The following DPP10 variants were observed in gnomAD, a reference collection of about 807,000 sequenced individuals.
The protein encoded by DPP10 is inactive dipeptidyl peptidase 10.
DPP10 carries 33 observed loss-of-function variants against 120.9 expected under a neutral mutation model. That is an observed-to-expected ratio of 0.27 (90% CI 0.21 to 0.37). The LOEUF is 0.37. Ranked by LOEUF, DPP10 falls within the 10% of genes least tolerant of loss-of-function variation. The pLI, the probability that DPP10 is intolerant of heterozygous loss-of-function variation, is 1.00. For missense variants in DPP10, 816 were observed against 942.8 expected, an observed-to-expected ratio of 0.87 and a Z score of 1.76; for synonymous variants, 337 against 326.1, an observed-to-expected ratio of 1.03 and a Z score of -0.36.
At chr2:115,230,386 T>C (rs2057678052) in intron 1 of DPP10, among the ~76,000 whole-genome samples, 1 of 152,042 alleles carries the variant, frequency 6.6e-6, no homozygotes, top group Non-Finnish European at 1.5e-5. Flanking sequence ...CTTTTTTCTT[T>C]CCAAGTTGAA....
chr2:115,635,161 GGCT>G (rs2086219801), intron 5 of DPP10, among the ~76,000 whole-genome samples: 1 of 150,308 alleles, frequency 6.7e-6, no homozygotes, highest in African/African-American at 2.5e-5. Context: ...CCACAGTGAT[GGCT>G]GCCGCCCTTC....
In DPP10 at chr2:115,187,388, G is replaced by A. The variant is rs574478842; in HGVS notation, c.61-121851G>A. The stretch of plus-strand genomic sequence containing the variant: ...GAGAAACAAATCCAGCTATGGAGAA[G>A]AACTTACTTTTTAGTATAGAAACTT... On this transcript the variant is annotated intron_variant, in intron 1 of 25. Coordinates refer to ENST00000410059, the MANE Select transcript of DPP10 (RefSeq NM_020868.6). 2.6e-5 allele frequency among the ~76,000 whole-genome samples: 4 copies of A among 152,268 alleles called. No homozygotes were observed. The East Asian group carries it at 7.7e-4, about 29-fold the overall frequency.
At chr2:115,479,910 G>A (rs921163996) in intron 3 of DPP10, among the ~76,000 whole-genome samples, 1 of 152,136 alleles carries the variant, frequency 6.6e-6, no homozygotes, top group Admixed American at 6.5e-5. Flanking sequence ...CATGCACCTT[G>A]CAGGGGAGAC....
intron 1 of DPP10, among the ~76,000 whole-genome samples, chr2:115,218,888 T>C (rs1275186803): frequency 6.6e-6 from 1 of 152,100 alleles, no homozygotes; most frequent in Non-Finnish European, 1.5e-5. Flanking sequence ...TAATACATTT[T>C]TACTAAGAGG....
At chr2:115,009,241 A>G (rs1346102523) in intron 1 of DPP10, among the ~76,000 whole-genome samples, 12 of 151,384 alleles carry the variant, frequency 7.9e-5, no homozygotes, top group Admixed American at 2.6e-4. Flanking sequence ...ATGGAATACT[A>G]TGCAGCCATA....
chr2:115,789,443 T>A (rs898048749), intron 17 of DPP10, among the ~76,000 whole-genome samples: 1 of 152,184 alleles, frequency 6.6e-6, no homozygotes. Flanking sequence ...TAGGAATACC[T>A]AATCAAGATA....
intron 3 of DPP10, among the ~76,000 whole-genome samples, chr2:115,366,914 C>T (rs958377014): frequency 2.6e-5 from 4 of 151,992 alleles, no homozygotes; most frequent in African/African-American, 4.8e-5. Flanking sequence ...TTAGGAAGAT[C>T]GGTGTTGGTC....
rs188828174 is a variant in DPP10, at chr2:114,765,448, G to C, written c.60+322610G>C. Among the ~76,000 whole-genome samples, 120 of 152,178 alleles carry C rather than the reference G, an allele frequency of 7.9e-4. 1 individual carries two copies. Among genetic ancestry groups the C allele is most frequent in the African/African-American group, 2.8e-3 (118 of 41,552 alleles). Reference sequence around the variant, plus strand: ...TTCATTCTGTAAGTGAGCATTATGTGAACAAAGAGGCACTACTAGGGCACA... The same window carrying C: ...TTCATTCTGTAAGTGAGCATTATGTCAACAAAGAGGCACTACTAGGGCACA... On this transcript the variant is annotated intron_variant, in intron 1 of 25. Coordinates refer to ENST00000410059, the MANE Select transcript of DPP10 (RefSeq NM_020868.6).
intron 19 of DPP10, among the ~76,000 whole-genome samples, chr2:115,799,731 A>C (rs1399802259): frequency 6.0e-5 from 9 of 150,034 alleles, no homozygotes; most frequent in Admixed American, 2.0e-4. Context: ...GATGGTTTCC[A>C]GCTTCATCCA....
chr2:115,723,805 C>G (rs1313463917), intron 7 of DPP10, among the ~76,000 whole-genome samples: 1 of 152,072 alleles, frequency 6.6e-6, no homozygotes, highest in Non-Finnish European at 1.5e-5. Flanking sequence ...ATCTGGGATA[C>G]TTTCTTAATT....
chr2:114,923,469 T>A lies in DPP10; in HGVS notation c.61-385770T>A, dbSNP rs546812661. Among the ~76,000 whole-genome samples the A allele has an allele frequency of 1.0e-3, 145 of 143,886 alleles. 1 individual carries two copies. The highest frequency in any genetic ancestry group is 1.6e-3 in the Non-Finnish European group (108 of 66,766). The allele number at this position is 143,886 out of a possible 152,430, so 94.4% of individuals were successfully genotyped here. On this transcript the variant is annotated intron_variant, in intron 1 of 25. Transcript: ENST00000410059. The stretch of plus-strand genomic sequence containing the variant: ...CGTGAGCCACCACGCTTGGCCTTTT[T>A]TCCTTTTTTTTTTTTTTTTTTTTTT...
intron 1 of DPP10, among the ~76,000 whole-genome samples, chr2:115,078,673 C>T (rs1007392141): frequency 3.3e-5 from 5 of 152,108 alleles, no homozygotes; most frequent in Admixed American, 6.5e-5. Context: ...GAAGAAATTG[C>T]TAACCTAATC....
intron 1 of DPP10, among the ~76,000 whole-genome samples, chr2:114,588,814 A>G (rs1691210942): frequency 6.6e-6 from 1 of 152,206 alleles, no homozygotes; most frequent in South Asian, 2.1e-4. Context: ...AAAGGTCTCC[A>G]TAACCATCTG....
intron 1 of DPP10, among the ~76,000 whole-genome samples, chr2:115,051,118 G>A (rs1021347308): frequency 1.3e-5 from 2 of 152,084 alleles, no homozygotes; most frequent in African/African-American, 4.8e-5. Context: ...AAACAAGAAG[G>A]TATATTCCAT....
chr2:114,982,841 A>T (rs1254930082), intron 1 of DPP10, among the ~76,000 whole-genome samples: 2 of 151,896 alleles, frequency 1.3e-5, no homozygotes, highest in Non-Finnish European at 2.9e-5. Context: ...TCCTGGGCTC[A>T]AGCGATCTGC....
chr2:115,456,630 A>G (rs186274827), intron 3 of DPP10, among the ~76,000 whole-genome samples: 14 of 152,338 alleles, frequency 9.2e-5, no homozygotes, highest in Admixed American at 2.6e-4. Context: ...CTATGCAGCC[A>G]TAAAAAACGA....
intron 1 of DPP10, chr2:115,162,228 G>A: frequency 6.4e-7 from 1 of 1,560,590 alleles, no homozygotes; most frequent in Non-Finnish European, 8.7e-7. Context: ...GGGGCCCGGC[G>A]AGAGGATGCG....
At position 114,906,270 on chromosome 2, in the gene DPP10, G is replaced by A. The variant is rs377456974; in HGVS notation, c.61-402969G>A. 8.6e-5 allele frequency among the ~76,000 whole-genome samples: 13 copies of A among 151,996 alleles called. No homozygotes were observed. In the East Asian group the frequency reaches 9.7e-4, roughly 11 times the overall value. ...GTGGTGGTGCGTGCCTGTAGTCCCAGCTACTAGGGAGGCTGAGGCATGAGA... is the reference window on the plus strand; with the variant it reads ...GTGGTGGTGCGTGCCTGTAGTCCCAACTACTAGGGAGGCTGAGGCATGAGA... On this transcript the variant is annotated intron_variant, in intron 1 of 25. Coordinates refer to ENST00000410059, the MANE Select transcript of DPP10 (RefSeq NM_020868.6).
intron 1 of DPP10, among the ~76,000 whole-genome samples, chr2:114,675,119 A>G (rs1698588055): frequency 6.6e-6 from 1 of 152,076 alleles, no homozygotes. Flanking sequence ...TTGAACTGTC[A>G]TTTTATGAAC....
Sources: gnomAD v4.1 joint callset for allele counts (sites outside exome capture counted in the v4.1 genomes callset) on GRCh38, gnomAD v4.1.1 for gene constraint, MANE v1.5 for transcripts, NCBI Gene and HGNC (gene_info 2026-07-23, HGNC 2026-07-21) for gene names.